The following MAP3K15 variants were observed in gnomAD, a reference collection of about 807,000 sequenced individuals.
The protein encoded by MAP3K15 is MAPK/ERK kinase kinase 15.
MAP3K15 carries 124 observed loss-of-function variants against 99.5 expected under a neutral mutation model. The ratio of observed to expected loss-of-function variants is 1.25; its 90% confidence interval spans 1.08 to 1.45. The LOEUF (loss-of-function observed/expected upper bound fraction) is 1.45. Ranked by LOEUF, MAP3K15 falls within the 40% of genes most tolerant of loss-of-function variation. The pLI is 0.00. For missense variants in MAP3K15, 1,242 were observed against 1,079.7 expected, an observed-to-expected ratio of 1.15 and a Z score of -2.11; for synonymous variants, 494 against 439.6, an observed-to-expected ratio of 1.12 and a Z score of -1.55.
chrX:19,471,301 G>A (rs1330007947), intron 3 of MAP3K15, among the ~76,000 whole-genome samples: 1 of 107,245 alleles, frequency 9.3e-6, no homozygotes, highest in Non-Finnish European at 1.9e-5. Flanking sequence ...TTTCACTCTT[G>A]TTGCCCAGGT....
At chrX:19,447,615 G>A (rs2064008083) in intron 6 of MAP3K15, among the ~76,000 whole-genome samples, 1 of 109,355 alleles carries the variant, frequency 9.1e-6, no homozygotes, top group Admixed American at 9.8e-5. Context: ...CGGGCGCGGT[G>A]GCTCACGCCT....
In MAP3K15 at chrX:19,466,811, G is replaced by A. The variant is rs2064172687; in HGVS notation, c.526-2405C>T. 2.7e-5 allele frequency: 3 copies of A among 111,796 alleles called. No individual in the cohort carries two copies. In the South Asian group the frequency reaches 1.1e-3, roughly 42 times the overall value. 9.2% of individuals were successfully genotyped at this position (111,796 alleles called of 1,213,427 possible). A position where few individuals can be genotyped will look rare whatever the true frequency, so the allele number is the denominator to read the frequency against. On this transcript the variant is annotated intron_variant, in intron 3 of 28. Coordinates refer to ENST00000338883, the MANE Select transcript of MAP3K15 (RefSeq NM_001001671.4). ...TCAAAAAGTTAAAGTTGGACTGGAA[G>A]TGTAAGGAGCTTCCCAGATCCTATC... is the stretch of plus-strand genomic sequence containing the variant.
Position 19,458,805 on chromosome X carries a change from G to A in MAP3K15, c.888+1180C>T, listed in dbSNP as rs754512624. On this transcript the variant is annotated intron_variant, in intron 5 of 28. Coordinates refer to ENST00000338883, the MANE Select transcript of MAP3K15 (RefSeq NM_001001671.4). ...GTTTTGGTCCAGGTCATAAGTGGAC[G>A]CCTCCATCACTTCAATTTAAAGACT... Among the ~76,000 whole-genome samples, 3 of 112,256 alleles carry A rather than the reference G, an allele frequency of 2.7e-5. No individual in the cohort carries two copies. The South Asian group carries it at 1.1e-3, about 42-fold the overall frequency.
At chrX:19,445,247 G>C (rs754924818) in intron 6 of MAP3K15, among the ~76,000 whole-genome samples, 4 of 110,017 alleles carry the variant, frequency 3.6e-5, no homozygotes, top group Non-Finnish European at 3.8e-5. Context: ...GTTTTGGGGT[G>C]GGGGGAGACC....
intron 1 of MAP3K15, among the ~76,000 whole-genome samples, chrX:19,499,543 G>A (rs1296579251): frequency 3.6e-5 from 4 of 112,434 alleles, no homozygotes; most frequent in South Asian, 7.3e-4. Flanking sequence ...CAACCCAAAC[G>A]TTCATCAATA....
chrX:19,483,981 G>A (rs2064308034), intron 3 of MAP3K15, among the ~76,000 whole-genome samples: 1 of 111,501 alleles, frequency 9.0e-6, no homozygotes, highest in Non-Finnish European at 1.9e-5. Context: ...CCCATCACCT[G>A]GGATCCTTTT....
chrX:19,421,817 G>T (rs2063789341), intron 9 of MAP3K15, among the ~76,000 whole-genome samples: 1 of 110,127 alleles, frequency 9.1e-6, no homozygotes, highest in South Asian at 3.9e-4. Flanking sequence ...GCATGCTACT[G>T]GTACCAAAAC....
At chrX:19,488,775 A>G (rs190789780) in intron 2 of MAP3K15, 53 bp downstream of exon 2, 23 of 1,135,579 alleles carry the variant, frequency 2.0e-5, no homozygotes, top group African/African-American at 1.2e-4. Flanking sequence ...AGCTAGACAT[A>G]TAATTCTGCT....
intron 18 of MAP3K15, among the ~76,000 whole-genome samples, chrX:19,390,430 C>T (rs1358278588): frequency 5.9e-5 from 6 of 101,685 alleles, no homozygotes; most frequent in African/African-American, 2.1e-4. Context: ...ACCTCAGCCT[C>T]ACTAGTAGCT....
intron 9 of MAP3K15, among the ~76,000 whole-genome samples, chrX:19,420,239 A>G (rs964509672): frequency 4.5e-5 from 5 of 111,695 alleles, no homozygotes; most frequent in African/African-American, 6.5e-5. Flanking sequence ...AAAAAAATCA[A>G]TGAATCCAGG....
chrX:19,412,820 G>A (rs375514649), intron 11 of MAP3K15, among the ~76,000 whole-genome samples: 8 of 110,512 alleles, frequency 7.2e-5, no homozygotes, highest in South Asian at 3.9e-4. Flanking sequence ...CTGTGGCCTC[G>A]ACCTCCCAGG....
intron 3 of MAP3K15, among the ~76,000 whole-genome samples, chrX:19,471,332 T>C (rs1482647568): frequency 9.0e-6 from 1 of 110,565 alleles, no homozygotes. Flanking sequence ...TGGCACGATC[T>C]TGGATCACCA....
chrX:19,481,757 A>G (rs1354491057), intron 3 of MAP3K15: 1 of 112,134 alleles, frequency 8.9e-6, no homozygotes, highest in African/African-American at 3.2e-5. Flanking sequence ...GAATGGCTAT[A>G]ATAAAAAGAC....
At chrX:19,441,733 C>T (rs1279384519) in intron 6 of MAP3K15, among the ~76,000 whole-genome samples, 1 of 112,161 alleles carries the variant, frequency 8.9e-6, no homozygotes, top group African/African-American at 3.2e-5. Flanking sequence ...GCTGGGATTA[C>T]AGGTGTGAGC....
In MAP3K15 at chrX:19,515,304, C is replaced by CTGCGA. The variant is rs1253605706; in HGVS notation, c.-48_-44dup. The CTGCGA allele has an allele frequency of 4.9e-6, 4 of 817,260 alleles. No individual in the cohort carries two copies. The highest frequency in any genetic ancestry group is 6.0e-6 in the Non-Finnish European group (4 of 670,838). The allele number at this position is 817,260 out of a possible 1,213,427, so 67.4% of individuals were successfully genotyped here. A position where few individuals can be genotyped will look rare whatever the true frequency, so the allele number is the denominator to read the frequency against. ...CTTCCCCTGGGCGAGTGGCCAGCGGCTGCGATCCGCTAGGAGGCACAAGTT... is the reference window on the plus strand; with the variant it reads ...CTTCCCCTGGGCGAGTGGCCAGCGGCTGCGATGCGATCCGCTAGGAGGCACAAGTT... On this transcript the variant is annotated 5_prime_UTR_variant, in exon 1 of 29. Coordinates refer to ENST00000338883, the MANE Select transcript of MAP3K15 (RefSeq NM_001001671.4).
In MAP3K15 at chrX:19,425,104, C is replaced by T. The variant is rs151198988; in HGVS notation, c.1439+427G>A. On this transcript the variant is annotated intron_variant, in intron 9 of 28. Coordinates refer to ENST00000338883, the MANE Select transcript of MAP3K15 (RefSeq NM_001001671.4). The stretch of plus-strand genomic sequence containing the variant: ...ATTCTTTCCTGCACATTTAAATGGC[C>T]GTGTAAGGCTGTTGCTGTGCCACCG... Among the ~76,000 whole-genome samples the T allele has an allele frequency of 4.6e-3, 512 of 111,649 alleles. 5 individuals are homozygous for T. Among genetic ancestry groups the T allele is most frequent in the African/African-American group, 0.016 (489 of 30,768 alleles).
intron 6 of MAP3K15, among the ~76,000 whole-genome samples, chrX:19,440,425 AG>A (rs1365149457): frequency 7.1e-5 from 8 of 112,957 alleles, no homozygotes; most frequent in Admixed American, 6.6e-4. Context: ...GGGAACAACT[AG>A]AAGCGACCTG....
chrX:19,415,134 A>C lies in MAP3K15; in HGVS notation c.1563T>G (p.Asn521Lys). Residue 521 changes from asparagine to lysine, a missense_variant, in exon 10 of 29, where the codon AAT (asparagine) becomes AAG (lysine). By Grantham distance (94) the Asn-to-Lys change is moderately conservative. Transcript: ENST00000338883. ...GAAATCTGAGTCCATTAGTGACTTC[A>C]TTTGTTGCCTCAAAAATTATATCTA... is the stretch of plus-strand genomic sequence containing the variant. The part of the protein sequence containing the change: ...FWLDIIFEAT[N>K]EVTNGLRFPV... 2.6e-6 allele frequency: 3 copies of C among 1,174,244 alleles called. No homozygotes were observed. Among genetic ancestry groups the C allele is most frequent in the Non-Finnish European group, 3.4e-6 (3 of 882,105 alleles).
chrX:19,392,023 G>A lies in MAP3K15; in HGVS notation c.2410C>T (p.Pro804Ser), dbSNP rs2063531496. ...TTACCAGTAAAAGTCTCTGTGCAGG[G>A]GTTCACACCCGCAAGACGTTTCGAG... ...GTSKRLAGVN[P>S]CTETFTGTLQ... Residue 804 changes from proline to serine, a missense_variant, in exon 18 of 29, where the codon CCC becomes TCC. Transcript: ENST00000338883. The A allele has an allele frequency of 8.3e-7, 1 of 1,208,474 alleles. No individual in the cohort carries two copies. Among genetic ancestry groups the A allele is most frequent in the Non-Finnish European group, 1.1e-6 (1 of 892,621 alleles).
Sources: allele counts gnomAD v4.1 joint callset (sites outside exome capture counted in the v4.1 genomes callset), GRCh38; gene constraint gnomAD v4.1.1; transcripts MANE v1.5; gene names NCBI Gene and HGNC (gene_info 2026-07-23, HGNC 2026-07-21).